PPFIBP1: variants seen among roughly 807,000 people sequenced by gnomAD.
The protein encoded by PPFIBP1 is liprin-beta-1.
A neutral mutation model predicts 137.8 loss-of-function variants in PPFIBP1; 112 were observed. The ratio of observed to expected loss-of-function variants is 0.81; its 90% confidence interval spans 0.70 to 0.95. PPFIBP1 has a LOEUF of 0.95. Among genes scored for constraint, PPFIBP1 ranks in the 40% least tolerant of loss-of-function variants. The probability of loss-of-function intolerance (pLI) is 0.00; values close to 1 mark genes in which losing one functional copy is unlikely to be tolerated. For synonymous variants in PPFIBP1, 378 were observed against 417.3 expected (o/e 0.91, Z 1.15); for missense variants, 1,083 against 1,196.6 (o/e 0.91, Z 1.40).
chr12:27,583,309 T>A (rs1264666816), intron 2 of PPFIBP1, among the ~76,000 whole-genome samples: 1 of 152,198 alleles, frequency 6.6e-6, no homozygotes, highest in East Asian at 1.9e-4. Context: ...GTTCTAAGCA[T>A]GGAATTCCTG....
intron 2 of PPFIBP1, among the ~76,000 whole-genome samples, chr12:27,587,237 G>T (rs1478700445): frequency 3.3e-5 from 5 of 152,102 alleles, no homozygotes; most frequent in Non-Finnish European, 4.4e-5. Flanking sequence ...TTAAAGAATT[G>T]TCCAGTTTAC....
In PPFIBP1 at chr12:27,692,999, GCTGTCGAGAAGTTTAAA is replaced by G; in HGVS notation, c.*119_*135del. On this transcript the variant is annotated 3_prime_UTR_variant, in exon 30 of 30. Coordinates refer to ENST00000228425, the MANE Select transcript of PPFIBP1 (RefSeq NM_003622.4). ...TCTATTGTTTGTTGTTCCAACTTCT[GCTGTCGAGAAGTTTAAA>G]CAGAAAGCAGGAGTAATGTGCCGAT... is the stretch of plus-strand genomic sequence containing the variant. 7.0e-7 allele frequency: 1 copy of G among 1,438,548 alleles called. No individual in the cohort carries two copies. Among genetic ancestry groups the G allele is most frequent in the Non-Finnish European group, 9.1e-7 (1 of 1,093,218 alleles). 89.1% of individuals were successfully genotyped at this position (1,438,548 alleles called of 1,614,324 possible). A position where few individuals can be genotyped will look rare whatever the true frequency, so the allele number is the denominator to read the frequency against.
Position 27,681,632 on chromosome 12 carries a change from C to A in PPFIBP1, c.1982C>A (p.Ser661Tyr), listed in dbSNP as rs1294535422. The change falls in exon 22 of 30, where the codon TCT becomes TAT. Residue 661 changes from serine (S) to tyrosine (Y), a missense_variant. Physicochemically the swap from Ser to Tyr is moderately radical, Grantham distance 144. Transcript: ENST00000228425. ...MEQGLGSYLNSGKHWIASGQT... is the reference protein window; with the variant it reads ...MEQGLGSYLNYGKHWIASGQT... ...CAGGGCTTGGGCTCGTACCTGAATT[C>A]TGGCAAGCACTGGATTGCATCTGGC... The A allele has an allele frequency of 6.2e-7, 1 of 1,614,058 alleles. No individual in the cohort carries two copies. The highest frequency in any genetic ancestry group is 8.5e-7 in the Non-Finnish European group (1 of 1,180,026).
At chr12:27,547,503 A>G (rs188019508) in intron 1 of PPFIBP1, 13 of 152,372 alleles carry the variant, frequency 8.5e-5, no homozygotes, top group Admixed American at 7.2e-4. Context: ...TAGTTATCTT[A>G]GAAAACTGCT....
intron 2 of PPFIBP1, chr12:27,593,806 G>T: frequency 1.8e-6 from 2 of 1,127,164 alleles, no homozygotes; most frequent in East Asian, 2.6e-5. Context: ...TGTCTGGTTC[G>T]TCCTGAATTT....
chr12:27,542,312 T>C (rs1945759429), intron 1 of PPFIBP1, among the ~76,000 whole-genome samples: 1 of 152,216 alleles, frequency 6.6e-6, no homozygotes, highest in Non-Finnish European at 1.5e-5. Context: ...TATGTGAATA[T>C]GTAAGGAACT....
At chr12:27,684,829 A>G (rs2061101342) in intron 24 of PPFIBP1, among the ~76,000 whole-genome samples, 1 of 152,102 alleles carries the variant, frequency 6.6e-6, no homozygotes, top group Non-Finnish European at 1.5e-5. Context: ...GAGTTGCCAA[A>G]GCTAGAATTC....
intron 1 of PPFIBP1, among the ~76,000 whole-genome samples, chr12:27,558,303 G>T (rs1305375404): frequency 4.1e-5 from 6 of 148,138 alleles, no homozygotes; most frequent in Non-Finnish European, 8.9e-5. Context: ...AGATTATTTG[G>T]TGCTTGAGAC....
In PPFIBP1 at chr12:27,590,415, A is replaced by T. The variant is rs548120529; in HGVS notation, c.-36+12176A>T. ...GGTCTCAAACTCCTGACCTCAAGTG[A>T]TCTACCCACCTCGGCCTCCCAAAGT... On this transcript the variant is annotated intron_variant, in intron 2 of 29. Coordinates refer to ENST00000228425, the MANE Select transcript of PPFIBP1 (RefSeq NM_003622.4). Among the ~76,000 whole-genome samples the T allele has an allele frequency of 2.0e-4, 31 of 152,250 alleles. No homozygotes were observed. The East Asian group carries it at 5.6e-3, about 28-fold the overall frequency.
chr12:27,689,926 G>A (rs1373141861), intron 27 of PPFIBP1, among the ~76,000 whole-genome samples: 1 of 152,158 alleles, frequency 6.6e-6, no homozygotes, highest in Admixed American at 6.5e-5. Context: ...CATTCTGGCA[G>A]GTGATCTGCA....
Position 27,579,308 on chromosome 12 carries a change from A to AG in PPFIBP1, c.-36+1071dup, listed in dbSNP as rs548266339. 2.7e-3 allele frequency among the ~76,000 whole-genome samples: 407 copies of AG among 152,344 alleles called. 1 individual carries two copies. Among genetic ancestry groups the AG allele is most frequent in the African/African-American group, 9.0e-3 (375 of 41,578 alleles). ...TCTGTCTCAGTCAGCTCTTTGCTGA[A>AG]GGACCTTATGCGTAGAGGAAAGTGC... On this transcript the variant is annotated intron_variant, in intron 2 of 29. Coordinates refer to ENST00000228425, the MANE Select transcript of PPFIBP1 (RefSeq NM_003622.4).
At chr12:27,668,188 C>T (rs1215397434) in intron 13 of PPFIBP1, among the ~76,000 whole-genome samples, 1 of 152,156 alleles carries the variant, frequency 6.6e-6, no homozygotes, top group East Asian at 1.9e-4. Context: ...TCCAGTGAGG[C>T]GTCAGCATCC....
At chr12:27,593,587 C>T in intron 2 of PPFIBP1, 14 of 396,062 alleles carry the variant, frequency 3.5e-5, no homozygotes, top group South Asian at 3.4e-4. Flanking sequence ...AACACAGCAT[C>T]ATCATCTTCA....
intron 2 of PPFIBP1, among the ~76,000 whole-genome samples, chr12:27,621,305 C>G (rs1352934729): frequency 6.6e-6 from 1 of 152,238 alleles, no homozygotes; most frequent in Middle Eastern, 3.2e-3. Flanking sequence ...GACCATAGGT[C>G]ATAGTTTGCC....
At position 27,660,953 on chromosome 12, in the gene PPFIBP1, G is replaced by T; in HGVS notation, c.906+8G>T. On this transcript the variant is annotated splice_region_variant and intron_variant, in intron 11 of 29. Transcript: ENST00000228425. ...GCAGCAAATGAAGAAAAGGTATCCA[G>T]ATGAAATTTAAATATACGTGTGGAT... The T allele has an allele frequency of 6.2e-7, 1 of 1,612,566 alleles. No homozygotes were observed. Among genetic ancestry groups the T allele is most frequent in the African/African-American group, 1.3e-5 (1 of 74,966 alleles).
At chr12:27,576,330 C>T (rs917435409) in intron 1 of PPFIBP1, among the ~76,000 whole-genome samples, 4 of 152,164 alleles carry the variant, frequency 2.6e-5, no homozygotes, top group African/African-American at 9.7e-5. Context: ...AGCAAAGAGG[C>T]TGGTGGGGAT....
intron 1 of PPFIBP1, among the ~76,000 whole-genome samples, chr12:27,532,550 C>A (rs145957979): frequency 6.6e-6 from 1 of 151,234 alleles, no homozygotes; most frequent in Non-Finnish European, 1.5e-5. Context: ...ATTTATTGGT[C>A]CTTTTGGAGG....
chr12:27,543,434 TAAGTGGGGC>T (rs1945876177), intron 1 of PPFIBP1, among the ~76,000 whole-genome samples: 1 of 152,212 alleles, frequency 6.6e-6, no homozygotes, highest in Admixed American at 6.5e-5. Flanking sequence ...TATGCTAATG[TAAGTGGGGC>T]TTTATTGGGT....
intron 2 of PPFIBP1, among the ~76,000 whole-genome samples, chr12:27,581,979 T>C (rs533580240): frequency 2.4e-4 from 35 of 148,528 alleles, no homozygotes; most frequent in Non-Finnish European, 1.6e-4. Flanking sequence ...TGTGTGTGTG[T>C]ACGTATGTGT....
Sources: gnomAD v4.1 joint callset for allele counts (sites outside exome capture counted in the v4.1 genomes callset) on GRCh38, gnomAD v4.1.1 for gene constraint, MANE v1.5 for transcripts, NCBI Gene and HGNC (gene_info 2026-07-23, HGNC 2026-07-21) for gene names.